SCN7A: variants seen among roughly 807,000 people sequenced by gnomAD.
SCN7A encodes the protein sodium channel protein type 7 subunit alpha.
Under a neutral mutation model 155.2 loss-of-function variants are expected in SCN7A, and 138 were observed. The observed-to-expected ratio is 0.89, with a 90% confidence interval of 0.77 to 1.02. The LOEUF is 1.02. Among genes scored for constraint, SCN7A ranks in the 50% least tolerant of loss-of-function variants. The pLI is 0.00. For missense variants in SCN7A, 2,058 were observed against 1,986.6 expected (o/e 1.04, Z -0.68); for synonymous variants, 693 against 649.0 (o/e 1.07, Z -1.03).
chr2:166,436,413 T>C (rs1440418348), intron 15 of SCN7A: 6 of 443,340 alleles, frequency 1.4e-5, no homozygotes, highest in East Asian at 7.4e-5. Flanking sequence ...TCCACCGTGA[T>C]TGTAAGTTTC....
intron 11 of SCN7A, among the ~76,000 whole-genome samples, chr2:166,456,414 T>C (rs541868904): frequency 1.3e-5 from 2 of 152,016 alleles, no homozygotes; most frequent in African/African-American, 2.4e-5. Context: ...CCAAAAAGGG[T>C]TGAAATTATA....
intron 18 of SCN7A, among the ~76,000 whole-genome samples, chr2:166,426,535 C>T (rs1292194102): frequency 6.6e-6 from 1 of 151,968 alleles, no homozygotes; most frequent in Non-Finnish European, 1.5e-5. Context: ...AAAGAAGTTA[C>T]CATACCAGCA....
chr2:166,463,647 A>G (rs534670915), intron 9 of SCN7A, among the ~76,000 whole-genome samples: 9 of 152,304 alleles, frequency 5.9e-5, no homozygotes, highest in African/African-American at 2.2e-4. Context: ...TGAGCTTGGA[A>G]TGTACATAAA....
At chr2:166,488,938 A>T (rs1683007911) in intron 1 of SCN7A, among the ~76,000 whole-genome samples, 1 of 152,164 alleles carries the variant, frequency 6.6e-6, no homozygotes, top group South Asian at 2.1e-4. Context: ...GCGCCCGACC[A>T]ACAGTCTCTT....
chr2:166,457,122 T>C, intron 10 of SCN7A, 46 bp from the exon 11 acceptor site: 1 of 1,342,018 alleles, frequency 7.5e-7, no homozygotes, highest in Non-Finnish European at 1.0e-6. Context: ...ATGTTATTTA[T>C]CTTCCAGGAT....
At chr2:166,421,699 C>T (rs1178377667) in intron 19 of SCN7A, among the ~76,000 whole-genome samples, 2 of 151,838 alleles carry the variant, frequency 1.3e-5, no homozygotes, top group Non-Finnish European at 2.9e-5. Context: ...AATATAGTTA[C>T]ACATGCATTC....
chr2:166,445,724 G>A (rs775070591), intron 12 of SCN7A, among the ~76,000 whole-genome samples: 1 of 151,900 alleles, frequency 6.6e-6, no homozygotes, highest in Non-Finnish European at 1.5e-5. Context: ...ACTTGATCAT[G>A]GTGGATAAGC....
intron 3 of SCN7A, among the ~76,000 whole-genome samples, chr2:166,476,863 T>A (rs1350940217): frequency 2.6e-5 from 4 of 152,052 alleles, no homozygotes; most frequent in African/African-American, 9.7e-5. Flanking sequence ...TAACTCAAAT[T>A]CTGCATCCTT....
At chr2:166,490,530 G>C (rs553275580) in intron 1 of SCN7A, among the ~76,000 whole-genome samples, 1 of 152,218 alleles carries the variant, frequency 6.6e-6, no homozygotes, top group Non-Finnish European at 1.5e-5. Context: ...AGAAACCTAA[G>C]TATCCATCAA....
chr2:166,456,770 T>C, intron 11 of SCN7A, 100 bp downstream of exon 11: 1 of 550,536 alleles, frequency 1.8e-6, no homozygotes, highest in Non-Finnish European at 2.8e-6. Flanking sequence ...CATAGAATCA[T>C]GAGCAAATAA....
chr2:166,409,714 G>A lies in SCN7A; in HGVS notation c.3933C>T (p.Thr1311=). ...KLIAFRCFYF[T]IAWNIFDFMV... ...TAAAATCAAAAATGTTCCACGCAAT[G>A]GTGAAATAAAAACAACGGAAAGCGA... The change falls in exon 25 of 26, where the codon ACC becomes ACT. Residue 1311 remains threonine (T), a synonymous_variant. Transcript: ENST00000643258. 6.5e-7 allele frequency: 1 copy of A among 1,542,992 alleles called. No homozygotes were observed.
intron 18 of SCN7A, among the ~76,000 whole-genome samples, chr2:166,427,551 T>C (rs1000518627): frequency 6.6e-6 from 1 of 152,052 alleles, no homozygotes; most frequent in Non-Finnish European, 1.5e-5. Context: ...TGGAATTCAA[T>C]ATTGCAAAAT....
At chr2:166,482,139 T>C (rs1467126251) in intron 2 of SCN7A, among the ~76,000 whole-genome samples, 5 of 152,172 alleles carry the variant, frequency 3.3e-5, no homozygotes, top group Non-Finnish European at 5.9e-5. Flanking sequence ...TATAAAAGTC[T>C]GACTGAAATA....
At chr2:166,478,074 T>C (rs534143610) in intron 2 of SCN7A, among the ~76,000 whole-genome samples, 1 of 151,998 alleles carries the variant, frequency 6.6e-6, no homozygotes, top group African/African-American at 2.4e-5. Context: ...AACAACTGAC[T>C]ACACTTTTCT....
chr2:166,427,751 C>G lies in SCN7A; in HGVS notation c.2853+37G>C, dbSNP rs377664108. On this transcript the variant is annotated intron_variant, in intron 18 of 25. Transcript: ENST00000643258. ...TTAACAGAATCATGATACATTTGTC[C>G]CCAGCAAAGTATCAAACACCCTGGC... 6.4e-6 allele frequency: 10 copies of G among 1,562,940 alleles called. No homozygotes were observed. In the African/African-American group the frequency reaches 1.4e-4, roughly 21 times the overall value.
intron 20 of SCN7A, among the ~76,000 whole-genome samples, chr2:166,418,318 G>T (rs1319847647): frequency 7.9e-4 from 89 of 112,134 alleles, no homozygotes; most frequent in Non-Finnish European, 1.4e-3. Flanking sequence ...TTTTAGTAGA[G>T]ACGGGGTTTC....
Position 166,405,745 on chromosome 2 carries a change from T to C in SCN7A, c.4884A>G (p.Ser1628=), listed in dbSNP as rs1299521294. The C allele has an allele frequency of 6.2e-7, 1 of 1,613,036 alleles. No homozygotes were observed. Among genetic ancestry groups the C allele is most frequent in the East Asian group, 2.2e-5 (1 of 44,848 alleles). Residue 1628 remains serine (S), a synonymous_variant, in exon 26 of 26, where the codon TCA becomes TCG. Transcript: ENST00000643258. ...TATAAGCACGTTGAATGATGGTTGCTGAAACTGCCTCTTGTTTTCGTTTCA... is the reference window on the plus strand; with the variant it reads ...TATAAGCACGTTGAATGATGGTTGCCGAAACTGCCTCTTGTTTTCGTTTCA... ...TTLKRKQEAV[S]ATIIQRAYKN...
In SCN7A at chr2:166,472,188, A is replaced by G; in HGVS notation, c.572+129T>C. The G allele has an allele frequency of 3.4e-6, 3 of 880,692 alleles. No homozygotes were observed. In the South Asian group the frequency reaches 5.6e-5, roughly 16 times the overall value. 54.6% of individuals were successfully genotyped at this position (880,692 alleles called of 1,614,324 possible). ...GCAGCTGAGAGAGCTCACTATGACCATAACTTTGAAGTATTCTTCACTTGC... is the reference window on the plus strand; with the variant it reads ...GCAGCTGAGAGAGCTCACTATGACCGTAACTTTGAAGTATTCTTCACTTGC... On this transcript the variant is annotated intron_variant, in intron 6 of 25. Transcript: ENST00000643258.
intron 15 of SCN7A, among the ~76,000 whole-genome samples, chr2:166,439,967 AC>A (rs1701923097): frequency 6.6e-6 from 1 of 152,208 alleles, no homozygotes; most frequent in Non-Finnish European, 1.5e-5. Flanking sequence ...GATCTTTATG[AC>A]ATGAGTAAAA....
Sources: gnomAD v4.1 joint callset for allele counts (sites outside exome capture counted in the v4.1 genomes callset) on GRCh38, gnomAD v4.1.1 for gene constraint, MANE v1.5 for transcripts, NCBI Gene and HGNC (gene_info 2026-07-23, HGNC 2026-07-21) for gene names.